Variants in CPVL observed in about 807,000 individuals in gnomAD.
CPVL encodes the protein probable serine carboxypeptidase CPVL.
Under a neutral mutation model 63.7 loss-of-function variants are expected in CPVL, and 51 were observed. The ratio of observed to expected loss-of-function variants is 0.80; its 90% confidence interval spans 0.64 to 1.01. The LOEUF is 1.01. CPVL is among the 50% of genes least tolerant of loss of function. The pLI is 0.00. For missense variants in CPVL, 530 were observed against 573.1 expected, an observed-to-expected ratio of 0.92 and a Z score of 0.77; for synonymous variants, 195 against 206.0, an observed-to-expected ratio of 0.95 and a Z score of 0.46.
intron 3 of CPVL, among the ~76,000 whole-genome samples, chr7:29,097,068 G>A (rs540900832): frequency 6.7e-4 from 101 of 151,638 alleles, no homozygotes; most frequent in African/African-American, 2.3e-3. Flanking sequence ...ATGAGGAGGA[G>A]CAGACAGCCC....
chr7:29,111,696 A>G (rs911963812), intron 3 of CPVL, among the ~76,000 whole-genome samples: 5 of 152,200 alleles, frequency 3.3e-5, no homozygotes, highest in African/African-American at 1.2e-4. Context: ...GAGGCCATGT[A>G]GTTGAGAGAG....
intron 5 of CPVL, among the ~76,000 whole-genome samples, chr7:29,093,771 TAC>T (rs755909505): frequency 2.0e-5 from 3 of 152,220 alleles, no homozygotes; most frequent in Admixed American, 6.5e-5. Context: ...TTTACTTAAA[TAC>T]ACAGTTATGG....
chr7:29,086,328 A>G (rs772834327), intron 7 of CPVL, among the ~76,000 whole-genome samples, 156 bp downstream of exon 7: 30 of 152,094 alleles, frequency 2.0e-4, no homozygotes, highest in Non-Finnish European at 3.5e-4. Flanking sequence ...GGGCATTTTG[A>G]TAATTGGGAG....
chr7:29,016,108 T>C (rs930547845), intron 12 of CPVL, among the ~76,000 whole-genome samples: 1 of 152,122 alleles, frequency 6.6e-6, no homozygotes, highest in African/African-American at 2.4e-5. Flanking sequence ...TCCAGAACTT[T>C]GGGAGGCGAA....
At chr7:29,001,447 T>G (rs772446831) in intron 12 of CPVL, 5 of 152,232 alleles carry the variant, frequency 3.3e-5, no homozygotes, top group African/African-American at 4.8e-5. Flanking sequence ...TTTAGTTTGC[T>G]TTCAGACACT....
At chr7:29,153,590 CAG>C (rs1371818840) in intron 5 of CPVL, among the ~76,000 whole-genome samples, 1 of 152,080 alleles carries the variant, frequency 6.6e-6, no homozygotes, top group Non-Finnish European at 1.5e-5. Context: ...TTCTTTTAGA[CAG>C]AGTCTCACTC....
chr7:29,164,779 C>CAAA (rs55742522), intron 5 of CPVL, among the ~76,000 whole-genome samples: 66 of 85,812 alleles, frequency 7.7e-4, no homozygotes, highest in Non-Finnish European at 9.0e-4. Flanking sequence ...AGACCTGTCT[C>CAAA]AAAAAAAAAA....
Position 29,030,573 on chromosome 7 carries a change from C to G in CPVL, c.1320+4G>C. On this transcript the variant is annotated splice_donor_region_variant and intron_variant, in intron 12 of 12. Transcript: ENST00000265394. Reference sequence around the variant, plus strand: ...AACCTGCCTGCTCCCAAGCATCTTCCTACCTGATGGAAGTCACCCGCTTGC... The same window carrying G: ...AACCTGCCTGCTCCCAAGCATCTTCGTACCTGATGGAAGTCACCCGCTTGC... 6.2e-7 allele frequency: 1 copy of G among 1,609,498 alleles called. No individual in the cohort carries two copies.
chr7:29,175,359 A>G (rs1056435472), intron 5 of CPVL, among the ~76,000 whole-genome samples: 1 of 151,856 alleles, frequency 6.6e-6, no homozygotes, highest in African/African-American at 2.4e-5. Context: ...TATTTTCAGT[A>G]GAGAGGGGGT....
At chr7:29,142,528 C>CTTTTTTTT (rs10663904) in intron 1 of CPVL, among the ~76,000 whole-genome samples, 1 of 127,632 alleles carries the variant, frequency 7.8e-6, no homozygotes, top group Non-Finnish European at 1.6e-5. Flanking sequence ...CTTCCAGATA[C>CTTTTTTTT]TTTTTTTTTT....
chr7:29,110,862 A>G (rs1282319132), intron 3 of CPVL, among the ~76,000 whole-genome samples: 3 of 152,250 alleles, frequency 2.0e-5, no homozygotes, highest in African/African-American at 7.2e-5. Flanking sequence ...CAAGAGTCAG[A>G]GAAGGAAACA....
chr7:29,154,128 C>T (rs1042257598), intron 5 of CPVL, among the ~76,000 whole-genome samples: 5 of 152,122 alleles, frequency 3.3e-5, no homozygotes, highest in African/African-American at 1.2e-4. Context: ...ACCTGTTTGT[C>T]ACCACATCAC....
chr7:29,092,797 AAAGGCC>A (rs1488822813), intron 5 of CPVL, 95 bp from the exon 6 acceptor site: 1 of 885,580 alleles, frequency 1.1e-6, no homozygotes, highest in East Asian at 2.6e-5. Context: ...ACCTTGTTCC[AAAGGCC>A]AAGCTCAGAC....
intron 1 of CPVL, among the ~76,000 whole-genome samples, chr7:29,144,278 T>C (rs1792210353): frequency 6.6e-6 from 1 of 152,192 alleles, no homozygotes; most frequent in African/African-American, 2.4e-5. Flanking sequence ...AAGGGGTCAC[T>C]GGCCAGGCAC....
At chr7:29,157,856 G>A (rs1052028181) in intron 5 of CPVL, among the ~76,000 whole-genome samples, 4 of 152,142 alleles carry the variant, frequency 2.6e-5, no homozygotes, top group African/African-American at 9.7e-5. Context: ...ATCCTTCTAT[G>A]TAGATTATTA....
chr7:29,093,305 A>G (rs1004560804), intron 5 of CPVL, among the ~76,000 whole-genome samples: 2 of 131,424 alleles, frequency 1.5e-5, no homozygotes, highest in African/African-American at 6.8e-5. Context: ...TGAGCCCAGG[A>G]GGCGGAGATT....
chr7:29,015,471 C>T (rs909095091), intron 12 of CPVL, among the ~76,000 whole-genome samples: 2 of 152,124 alleles, frequency 1.3e-5, no homozygotes, highest in Admixed American at 6.5e-5. Flanking sequence ...TGAGTTCTCA[C>T]GAGATCTTGT....
intron 5 of CPVL, among the ~76,000 whole-genome samples, 160 bp from the exon 6 acceptor site, chr7:29,092,862 A>G (rs2128606330): frequency 6.6e-6 from 1 of 152,232 alleles, no homozygotes; most frequent in Middle Eastern, 3.4e-3. Context: ...TCCTCCCAGG[A>G]GGATGCTAGG....
intron 1 of CPVL, among the ~76,000 whole-genome samples, chr7:29,135,738 G>A (rs1791146860): frequency 6.6e-6 from 1 of 151,934 alleles, no homozygotes; most frequent in Non-Finnish European, 1.5e-5. Context: ...TGTCACCCAG[G>A]CTGCAGTGGC....
Sources: gnomAD v4.1 joint callset for allele counts (sites outside exome capture counted in the v4.1 genomes callset) on GRCh38, gnomAD v4.1.1 for gene constraint, MANE v1.5 for transcripts, NCBI Gene and HGNC (gene_info 2026-07-23, HGNC 2026-07-21) for gene names.